RDH8: variants seen among roughly 807,000 people sequenced by gnomAD.
RDH8 encodes the protein retinol dehydrogenase 8, also known as photoreceptor outer segment all-trans retinol dehydrogenase.
RDH8 carries 14 observed loss-of-function variants against 22.3 expected under a neutral mutation model. The ratio of observed to expected loss-of-function variants is 0.63; its 90% confidence interval spans 0.42 to 0.98. The LOEUF is 0.98. Ranked by LOEUF, RDH8 falls within the 50% of genes least tolerant of loss-of-function variation. RDH8 has a pLI of 0.00. For missense variants in RDH8, 389 were observed against 409.8 expected, an observed-to-expected ratio of 0.95 and a Z score of 0.44; for synonymous variants, 175 against 171.7, an observed-to-expected ratio of 1.02 and a Z score of -0.15.
At chr19:10,015,952 G>A (rs1474188033) in intron 1 of RDH8, among the ~76,000 whole-genome samples, 7 of 148,476 alleles carry the variant, frequency 4.7e-5, no homozygotes, top group Non-Finnish European at 7.4e-5. Context: ...GTGAAACTTC[G>A]TCTCAAAAAA....
At position 10,021,441 on chromosome 19, in the gene RDH8, G is replaced by A; in HGVS notation, c.720+3G>A. The A allele has an allele frequency of 6.2e-7, 1 of 1,614,154 alleles. No homozygotes were observed. Reference sequence around the variant, plus strand: ...AGAACCCACAGGACGTGGTTCAGGTGAGTGAAGGGCCCAGAGCCCCAAGAC... The same window carrying A: ...AGAACCCACAGGACGTGGTTCAGGTAAGTGAAGGGCCCAGAGCCCCAAGAC... On this transcript the variant is annotated splice_donor_region_variant and intron_variant, in intron 5 of 5. Coordinates refer to ENST00000591589, the MANE Select transcript of RDH8 (RefSeq NM_015725.4).
chr19:10,020,871 G>A (rs2087653321), intron 4 of RDH8, 69 bp downstream of exon 4: 1 of 1,166,302 alleles, frequency 8.6e-7, no homozygotes, highest in East Asian at 2.4e-5. Context: ...AAGGGGGAGA[G>A]GAGAGATGAA....
intron 1 of RDH8, among the ~76,000 whole-genome samples, chr19:10,016,735 G>A (rs1018471636): frequency 2.0e-5 from 3 of 151,986 alleles, no homozygotes; most frequent in East Asian, 3.9e-4. Flanking sequence ...GCTTCCCAAC[G>A]TGCTGGGATT....
chr19:10,019,252 C>T (rs1279640871), intron 3 of RDH8, among the ~76,000 whole-genome samples: 1 of 151,788 alleles, frequency 6.6e-6, no homozygotes, highest in Non-Finnish European at 1.5e-5. Context: ...GAGCCAAGAT[C>T]GTGCCACTGC....
chr19:10,015,281 G>A (rs559723660), intron 1 of RDH8, among the ~76,000 whole-genome samples: 19 of 151,940 alleles, frequency 1.3e-4, no homozygotes, highest in African/African-American at 4.1e-4. Context: ...GTGAAACCCC[G>A]TCTCTACTAA....
In RDH8 at chr19:10,021,368, G is replaced by A. The variant is rs769546527; in HGVS notation, c.650G>A (p.Arg217Gln). The A allele has an allele frequency of 1.9e-5, 31 of 1,613,848 alleles. No individual in the cohort carries two copies. The highest frequency in any genetic ancestry group is 6.7e-5 in the African/African-American group (5 of 74,848). The part of the protein sequence containing the change: ...GTDPETLHYF[R>Q]DLYLPASRKL... ...GACCCTGAGACCCTGCACTACTTCCGGGACCTCTATCTCCCAGCCTCCAGG... is the reference window on the plus strand; with the variant it reads ...GACCCTGAGACCCTGCACTACTTCCAGGACCTCTATCTCCCAGCCTCCAGG... Residue 217 changes from arginine (R) to glutamine (Q), a missense_variant, in exon 5 of 6, where the codon CGG (arginine) becomes CAG (glutamine). By Grantham distance (43) the Arg-to-Gln change is conservative. Coordinates refer to ENST00000591589, the MANE Select transcript of RDH8 (RefSeq NM_015725.4).
chr19:10,013,669 C>T (rs542677534), intron 1 of RDH8, 69 bp downstream of exon 1: 6 of 1,515,362 alleles, frequency 4.0e-6, no homozygotes, highest in African/African-American at 2.7e-5. Context: ...GTCTCCCCTA[C>T]CCATCCCTCC....
intron 4 of RDH8, 133 bp downstream of exon 4, chr19:10,020,935 G>C (rs1463190081): frequency 1.4e-6 from 1 of 714,380 alleles, no homozygotes; most frequent in Admixed American, 2.2e-5. Context: ...GTTTTGAGAG[G>C]CTGAAATGGG....
At chr19:10,014,131 T>C (rs2087590552) in intron 1 of RDH8, among the ~76,000 whole-genome samples, 1 of 152,206 alleles carries the variant, frequency 6.6e-6, no homozygotes, top group African/African-American at 2.4e-5. Flanking sequence ...CTTGCCCTTC[T>C]GCACCTCTAG....
chr19:10,016,135 A>G (rs945458774), intron 1 of RDH8, among the ~76,000 whole-genome samples: 1 of 94,812 alleles, frequency 1.1e-5, no homozygotes, highest in Admixed American at 1.0e-4. Flanking sequence ...TTATTTATTT[A>G]TTTATTTATT....
intron 2 of RDH8, 99 bp downstream of exon 2, chr19:10,017,314 G>T: frequency 7.8e-7 from 1 of 1,286,934 alleles, no homozygotes; most frequent in South Asian, 2.1e-5. Context: ...GGCTTCTTCA[G>T]CAATCTCTGA....
chr19:10,013,798 T>G (rs900908558), intron 1 of RDH8, among the ~76,000 whole-genome samples, 198 bp downstream of exon 1: 2 of 151,912 alleles, frequency 1.3e-5, no homozygotes, highest in Non-Finnish European at 2.9e-5. Flanking sequence ...CAACTGGAGA[T>G]GAAATAGACA....
Position 10,018,761 on chromosome 19 carries a change from C to T in RDH8, c.293C>T (p.Pro98Leu). ...AATGCTGGAATGGGCCTGGTGGGGC[C>T]CCTGGAGGGGCTCAGCCTTGCTGCC... ...VNNAGMGLVGPLEGLSLAAMQ... is the reference protein window; with the variant it reads ...VNNAGMGLVGLLEGLSLAAMQ... The change falls in exon 3 of 6, where the codon CCC becomes CTC. Residue 98 changes from proline (P) to leucine (L), a missense_variant. Transcript: ENST00000591589. 4 of 1,612,374 alleles carry T rather than the reference C, an allele frequency of 2.5e-6. No homozygotes were observed. The South Asian group carries it at 3.3e-5, about 13-fold the overall frequency.
intron 1 of RDH8, among the ~76,000 whole-genome samples, chr19:10,014,516 T>G (rs1355518155): frequency 2.6e-5 from 4 of 152,096 alleles, no homozygotes; most frequent in African/African-American, 9.7e-5. Context: ...GCAGGCACAA[T>G]CATTCACCCC....
At position 10,022,056 on chromosome 19, in the gene RDH8, G is replaced by T; in HGVS notation, c.*307G>T. The T allele has an allele frequency of 2.8e-6, 1 of 359,876 alleles. No homozygotes were observed. The highest frequency in any genetic ancestry group is 5.8e-5 in the East Asian group (1 of 17,226). The allele number at this position is 359,876 out of a possible 1,614,324, so 22.3% of individuals were successfully genotyped here. On this transcript the variant is annotated 3_prime_UTR_variant, in exon 6 of 6. Coordinates refer to ENST00000591589, the MANE Select transcript of RDH8 (RefSeq NM_015725.4). ...AGGAAGCGGCATTGTTATGAGCCTT[G>T]AAGGAAGAGACAGACTCTGCTACAT...
chr19:10,014,229 G>A (rs1237298520), intron 1 of RDH8, among the ~76,000 whole-genome samples: 1 of 152,204 alleles, frequency 6.6e-6, no homozygotes, highest in African/African-American at 2.4e-5. Flanking sequence ...GCAAAGGGTT[G>A]TTACTTACAA....
chr19:10,016,791 C>T (rs960142880), intron 1 of RDH8, among the ~76,000 whole-genome samples: 9 of 152,132 alleles, frequency 5.9e-5, no homozygotes, highest in African/African-American at 2.2e-4. Flanking sequence ...TATTTCATGC[C>T]ATAGCCTCAG....
In RDH8 at chr19:10,018,759, G is replaced by C. The variant is rs1256210144; in HGVS notation, c.291G>C (p.Gly97=). The change falls in exon 3 of 6, where the codon GGG becomes GGC. Residue 97 remains glycine, a synonymous_variant. Transcript: ENST00000591589. ...ATAATGCTGGAATGGGCCTGGTGGG[G>C]CCCCTGGAGGGGCTCAGCCTTGCTG... ...LVNNAGMGLV[G]PLEGLSLAAM... is the part of the protein sequence containing the mutation. 2 of 1,611,860 alleles carry C rather than the reference G, an allele frequency of 1.2e-6. No individual in the cohort carries two copies. The highest frequency in any genetic ancestry group is 2.7e-5 in the African/African-American group (2 of 74,896).
intron 4 of RDH8, chr19:10,021,040 G>A (rs924063777): frequency 1.6e-6 from 1 of 626,810 alleles, no homozygotes; most frequent in Non-Finnish European, 2.8e-6. Flanking sequence ...AAGGGTGGTG[G>A]TGTGTGTACC....
Sources: gnomAD v4.1 joint callset for allele counts (sites outside exome capture counted in the v4.1 genomes callset) on GRCh38, gnomAD v4.1.1 for gene constraint, MANE v1.5 for transcripts, NCBI Gene and HGNC (gene_info 2026-07-23, HGNC 2026-07-21) for gene names.